The following CDH13 variants were observed in gnomAD, a reference collection of about 807,000 sequenced individuals.
CDH13 encodes the protein cadherin 13.
CDH13 carries 24 observed loss-of-function variants against 63.8 expected under a neutral mutation model. The ratio of observed to expected loss-of-function variants is 0.38; its 90% CI spans 0.27 to 0.53. The LOEUF is 0.53. Among genes scored for constraint, CDH13 ranks in the 20% least tolerant of loss-of-function variants. CDH13 has a pLI of 0.85. For synonymous variants in CDH13, 503 were observed against 355.3 expected (o/e 1.42, Z -4.67); for missense variants, 1,049 against 903.1 (o/e 1.16, Z -2.07).
At chr16:83,680,448 C>T (rs1209967234) in intron 10 of CDH13, among the ~76,000 whole-genome samples, 2 of 152,148 alleles carry the variant, frequency 1.3e-5, no homozygotes, top group Admixed American at 1.3e-4. Flanking sequence ...GGTGCAGTCC[C>T]AGCAAACTGA....
chr16:83,730,488 A>G (rs1910914935), intron 10 of CDH13, among the ~76,000 whole-genome samples: 1 of 152,234 alleles, frequency 6.6e-6, no homozygotes, highest in Admixed American at 6.5e-5. Flanking sequence ...ACAAACTTGG[A>G]GATACCTCCT....
intron 4 of CDH13, among the ~76,000 whole-genome samples, chr16:83,197,890 A>T (rs1346544456): frequency 6.6e-6 from 1 of 152,060 alleles, no homozygotes; most frequent in African/African-American, 2.4e-5. Context: ...GGATTGCATA[A>T]ATGTCAATAT....
intron 5 of CDH13, among the ~76,000 whole-genome samples, chr16:83,241,261 C>G (rs1904417378): frequency 6.6e-6 from 1 of 152,156 alleles, no homozygotes. Context: ...TGGGTTGCTT[C>G]CACCTCTTGA....
At chr16:82,953,151 T>C (rs1474906165) in intron 2 of CDH13, 4 of 152,218 alleles carry the variant, frequency 2.6e-5, no homozygotes, top group African/African-American at 9.6e-5. Flanking sequence ...TGGCGTGGGC[T>C]AGCATCTTGG....
chr16:82,879,278 G>T (rs1040562398), intron 2 of CDH13, among the ~76,000 whole-genome samples: 1 of 151,534 alleles, frequency 6.6e-6, no homozygotes, highest in African/African-American at 2.4e-5. Context: ...TGCACTTTAG[G>T]TTTCTTTTTT....
At chr16:83,238,513 C>T (rs956993851) in intron 5 of CDH13, among the ~76,000 whole-genome samples, 11 of 152,194 alleles carry the variant, frequency 7.2e-5, no homozygotes, top group African/African-American at 2.7e-4. Flanking sequence ...GGTCAGGACA[C>T]AGCCAAACCA....
At chr16:82,655,752 A>G (rs2150916005) in intron 1 of CDH13, among the ~76,000 whole-genome samples, 1 of 152,360 alleles carries the variant, frequency 6.6e-6, no homozygotes, top group African/African-American at 2.4e-5. Context: ...AGTCCTCACA[A>G]CCACCAAATG....
intron 10 of CDH13, among the ~76,000 whole-genome samples, chr16:83,733,122 T>C (rs1475406420): frequency 6.6e-6 from 1 of 152,174 alleles, no homozygotes; most frequent in Admixed American, 6.5e-5. Flanking sequence ...ACTGGGAAGA[T>C]AGAAGGTGGT....
At chr16:82,635,823 C>G (rs75785521) in intron 1 of CDH13, among the ~76,000 whole-genome samples, 8,396 of 152,210 alleles carry the variant, frequency 0.055, 333 homozygotes, top group East Asian at 0.1. Context: ...GGGCGGATTT[C>G]TCCTTGCTTT....
chr16:83,355,987 T>C lies in CDH13; in HGVS notation c.781+10981T>C, dbSNP rs545741386. Among the ~76,000 whole-genome samples the C allele has an allele frequency of 8.5e-4, 130 of 152,132 alleles. 4 individuals are homozygous for C. In the South Asian group the frequency reaches 0.026, roughly 31 times the overall value. On this transcript the variant is annotated intron_variant, in intron 6 of 13. Transcript: ENST00000567109. Reference sequence around the variant, plus strand: ...TTGAGGAAACAGACACTCAGGGAGGTTAGGTGACTCCGCCGTGGTCACACA... The same window carrying C: ...TTGAGGAAACAGACACTCAGGGAGGCTAGGTGACTCCGCCGTGGTCACACA...
At position 83,783,261 on chromosome 16, in the gene CDH13, C is replaced by T. The variant is rs750949776; in HGVS notation, c.1923C>T (p.His641=). 1.6e-5 allele frequency: 26 copies of T among 1,612,562 alleles called. No homozygotes were observed. Among genetic ancestry groups the T allele is most frequent in the South Asian group, 1.5e-4 (14 of 90,968 alleles). ...CCCTCCTTGCCTTTACAGATACACACGCCCTGGTAAGCCTTCTTCAAAATC... is the reference window on the plus strand; with the variant it reads ...CCCTCCTTGCCTTTACAGATACACATGCCCTGGTAAGCCTTCTTCAAAATC... ...VWKISKINNT[H]ALVSLLQNLN... is the part of the protein sequence containing the mutation. The change falls in exon 13 of 14, where the codon CAC becomes CAT. Residue 641 remains histidine (H), a synonymous_variant. Transcript: ENST00000567109.
At chr16:83,353,741 C>T (rs2151378119) in intron 6 of CDH13, among the ~76,000 whole-genome samples, 1 of 152,364 alleles carries the variant, frequency 6.6e-6, no homozygotes, top group Admixed American at 6.5e-5. Context: ...GTATCTGCCT[C>T]TCCTCTGCCC....
chr16:83,201,069 C>T (rs368017746), intron 4 of CDH13, among the ~76,000 whole-genome samples: 1 of 151,938 alleles, frequency 6.6e-6, no homozygotes, highest in African/African-American at 2.4e-5. Flanking sequence ...CAGAACTGGT[C>T]CTTACCAGAA....
chr16:83,668,826 T>C (rs1026394160), intron 8 of CDH13, among the ~76,000 whole-genome samples: 1 of 152,182 alleles, frequency 6.6e-6, no homozygotes. Flanking sequence ...CACACATGTG[T>C]CACCAAGCCC....
Position 83,379,008 on chromosome 16 carries a change from C to T in CDH13, c.781+34002C>T, listed in dbSNP as rs762801776. Among the ~76,000 whole-genome samples, 367 of 112,368 alleles carry T rather than the reference C, an allele frequency of 3.3e-3. 1 individual carries two copies. Among genetic ancestry groups the T allele is most frequent in the South Asian group, 5.3e-3 (19 of 3,612 alleles). 73.7% of individuals were successfully genotyped at this position (112,368 alleles called of 152,430 possible). ...ACATGCATCTATATATATATATATA[C>T]ACACACACACACACACACGTGTGTG... On this transcript the variant is annotated intron_variant, in intron 6 of 13. Coordinates refer to ENST00000567109, the MANE Select transcript of CDH13 (RefSeq NM_001257.5).
chr16:83,031,928 CA>C, intron 2 of CDH13, 81 bp from the exon 3 acceptor site: 1 of 1,098,956 alleles, frequency 9.1e-7, no homozygotes, highest in Non-Finnish European at 1.3e-6. Flanking sequence ...TGTGGTAATT[CA>C]CACTTAATAG....
intron 7 of CDH13, among the ~76,000 whole-genome samples, chr16:83,597,845 T>G (rs1195298033): frequency 6.6e-6 from 1 of 152,232 alleles, no homozygotes; most frequent in Non-Finnish European, 1.5e-5. Context: ...ACGAGAGTTA[T>G]GCCAATGTAT....
chr16:83,210,029 C>G (rs1034767716), intron 4 of CDH13, among the ~76,000 whole-genome samples: 3 of 152,030 alleles, frequency 2.0e-5, no homozygotes, highest in African/African-American at 7.2e-5. Flanking sequence ...ATTTTACCCT[C>G]TGGCAGAGGG....
intron 11 of CDH13, among the ~76,000 whole-genome samples, chr16:83,767,405 G>A (rs578070340): frequency 1.3e-5 from 2 of 152,146 alleles, no homozygotes; most frequent in African/African-American, 4.8e-5. Context: ...TCCTGCATGA[G>A]CTCCCTTGCT....
Sources: allele counts gnomAD v4.1 joint callset (sites outside exome capture counted in the v4.1 genomes callset), GRCh38; gene constraint gnomAD v4.1.1; transcripts MANE v1.5; gene names NCBI Gene and HGNC (gene_info 2026-07-23, HGNC 2026-07-21).